ARL6IP5: variants seen among roughly 807,000 people sequenced by gnomAD.
The protein encoded by ARL6IP5 is PRA1 family protein 3.
ARL6IP5 carries 6 observed loss-of-function variants against 13.0 expected under a neutral mutation model. That is an observed-to-expected ratio of 0.46 (90% CI 0.25 to 0.91). The LOEUF is 0.91. Ranked by LOEUF, ARL6IP5 falls within the 40% of genes least tolerant of loss-of-function variation. The pLI, the probability that ARL6IP5 is intolerant of heterozygous loss-of-function variation, is 0.17. For missense variants in ARL6IP5, 208 were observed against 248.8 expected (o/e 0.84, Z 1.10); for synonymous variants, 91 against 91.9 (o/e 0.99, Z 0.06).
chr3:69,098,481 G>T (rs111541108), intron 1 of ARL6IP5, among the ~76,000 whole-genome samples: 1,534 of 151,660 alleles, frequency 0.01, 33 homozygotes, highest in African/African-American at 0.035. Flanking sequence ...CTGACCTCAG[G>T]TGATCTGCCC....
rs938413797 is a variant in ARL6IP5 at position 69,103,990 on chromosome 3, G to C, written c.395-474G>C. Among the ~76,000 whole-genome samples, 5 of 152,102 alleles carry C rather than the reference G, an allele frequency of 3.3e-5. No homozygotes were observed. In the South Asian group the frequency reaches 1.0e-3, roughly 32 times the overall value. ...TCTAGAATTCTATACCCAACACTTT[G>C]GGTAAAGCCTCCGGGAGGCACTTTA... On this transcript the variant is annotated intron_variant, in intron 2 of 2. Coordinates refer to ENST00000273258, the MANE Select transcript of ARL6IP5 (RefSeq NM_006407.4).
intron 1 of ARL6IP5, among the ~76,000 whole-genome samples, chr3:69,086,402 G>A (rs2092247518): frequency 6.6e-6 from 1 of 152,248 alleles, no homozygotes; most frequent in South Asian, 2.1e-4. Flanking sequence ...GCACAGAGGA[G>A]AGGGGGAGAC....
chr3:69,102,323 T>A lies in ARL6IP5; in HGVS notation c.394+267T>A, dbSNP rs1222097195. 5 of 474,184 alleles carry A rather than the reference T, an allele frequency of 1.1e-5. No homozygotes were observed. The East Asian group carries it at 2.1e-4, about 20-fold the overall frequency. The allele number at this position is 474,184 out of a possible 1,614,324, so 29.4% of individuals were successfully genotyped here. A position where few individuals can be genotyped will look rare whatever the true frequency, so the allele number is the denominator to read the frequency against. ...TGTGTCATACATTCTTTTGTTGTTGTTGAGATGGGGTCTACTCTGTCACCC... is the reference window on the plus strand; with the variant it reads ...TGTGTCATACATTCTTTTGTTGTTGATGAGATGGGGTCTACTCTGTCACCC... On this transcript the variant is annotated intron_variant, in intron 2 of 2. Coordinates refer to ENST00000273258, the MANE Select transcript of ARL6IP5 (RefSeq NM_006407.4).
At chr3:69,091,293 A>G (rs530152719) in intron 1 of ARL6IP5, among the ~76,000 whole-genome samples, 380 of 152,234 alleles carry the variant, frequency 2.5e-3, no homozygotes, top group African/African-American at 8.5e-3. Context: ...GTGTATATAC[A>G]TACATATATA....
At chr3:69,095,777 G>A (rs2092285079) in intron 1 of ARL6IP5, among the ~76,000 whole-genome samples, 1 of 152,164 alleles carries the variant, frequency 6.6e-6, no homozygotes, top group Non-Finnish European at 1.5e-5. Context: ...TTACAGTTAT[G>A]ATCCACCGCA....
At position 69,084,978 on chromosome 3, in the gene ARL6IP5, C is replaced by G. The variant is rs1439289687; in HGVS notation, c.-70C>G. ...CGGAGCCGCTGTCAACTCTCCAACT[C>G]AGCTCAGCTGATCGGTTGCCGCCGC... On this transcript the variant is annotated 5_prime_UTR_variant, in exon 1 of 3. Transcript: ENST00000273258. The G allele has an allele frequency of 6.4e-7, 1 of 1,569,692 alleles. No homozygotes were observed. Among genetic ancestry groups the G allele is most frequent in the Non-Finnish European group, 8.6e-7 (1 of 1,157,978 alleles).
intron 2 of ARL6IP5, among the ~76,000 whole-genome samples, chr3:69,103,476 T>G (rs986236842): frequency 6.6e-6 from 1 of 152,042 alleles, no homozygotes; most frequent in Non-Finnish European, 1.5e-5. Flanking sequence ...AATATACATT[T>G]CCCAGCCACA....
chr3:69,103,666 T>C (rs78884201), intron 2 of ARL6IP5, among the ~76,000 whole-genome samples: 2,141 of 152,280 alleles, frequency 0.014, 49 homozygotes, highest in African/African-American at 0.049. Context: ...ATTAAAATAA[T>C]GAATTCTGGA....
At chr3:69,097,553 C>G (rs1249895069) in intron 1 of ARL6IP5, among the ~76,000 whole-genome samples, 1 of 152,152 alleles carries the variant, frequency 6.6e-6, no homozygotes. Flanking sequence ...ACTCTCCACT[C>G]TCTACAACCT....
At chr3:69,100,291 A>G (rs770732051) in intron 1 of ARL6IP5, among the ~76,000 whole-genome samples, 1 of 152,224 alleles carries the variant, frequency 6.6e-6, no homozygotes, top group Non-Finnish European at 1.5e-5. Context: ...ATTACATACT[A>G]AACATTTGGC....
At chr3:69,096,337 C>T (rs2092287007) in intron 1 of ARL6IP5, among the ~76,000 whole-genome samples, 1 of 152,068 alleles carries the variant, frequency 6.6e-6, no homozygotes, top group Non-Finnish European at 1.5e-5. Flanking sequence ...TGTTCCTTGT[C>T]CTGGACTTTA....
intron 1 of ARL6IP5, among the ~76,000 whole-genome samples, chr3:69,093,482 C>T (rs2092276105): frequency 6.6e-6 from 1 of 152,072 alleles, no homozygotes; most frequent in African/African-American, 2.4e-5. Context: ...TGTCCAAAGC[C>T]CACATTTATG....
Position 69,101,830 on chromosome 3 carries a change from A to C in ARL6IP5, c.177-9A>C. 1 of 1,608,782 alleles carries C rather than the reference A, an allele frequency of 6.2e-7. No individual in the cohort carries two copies. Among genetic ancestry groups the C allele is most frequent in the Non-Finnish European group, 8.5e-7 (1 of 1,176,906 alleles). ...AGTCACCCCTCATTTTTTCTTCCTC[A>C]TATTTCAGGTTTCTGAGTCCCTTCA... On this transcript the variant is annotated splice_polypyrimidine_tract_variant and intron_variant, in intron 1 of 2. Transcript: ENST00000273258.
chr3:69,094,972 CCCACTAATAG>C (rs2107512663), intron 1 of ARL6IP5, among the ~76,000 whole-genome samples: 2 of 152,176 alleles, frequency 1.3e-5, no homozygotes, highest in South Asian at 4.1e-4. Flanking sequence ...TGTATCCACA[CCCACTAATAG>C]CCACCTTGTT....
intron 1 of ARL6IP5, among the ~76,000 whole-genome samples, chr3:69,101,127 T>A (rs1176777148): frequency 6.6e-6 from 1 of 152,098 alleles, no homozygotes; most frequent in Non-Finnish European, 1.5e-5. Context: ...TCTACATTCG[T>A]CCATCATGAG....
At chr3:69,085,333 C>T (rs1233017421) in intron 1 of ARL6IP5, 110 bp downstream of exon 1, 26 of 1,363,682 alleles carry the variant, frequency 1.9e-5, no homozygotes, top group Non-Finnish European at 2.6e-5. Flanking sequence ...TCAGCGCCTG[C>T]CCTGGCAATT....
chr3:69,097,389 G>A (rs1404807790), intron 1 of ARL6IP5, among the ~76,000 whole-genome samples: 2 of 151,224 alleles, frequency 1.3e-5, no homozygotes, highest in African/African-American at 4.9e-5. Flanking sequence ...GCCTAGGATG[G>A]CCTCAAACTC....
At chr3:69,092,712 G>T (rs1429605747) in intron 1 of ARL6IP5, among the ~76,000 whole-genome samples, 2 of 151,848 alleles carry the variant, frequency 1.3e-5, no homozygotes, top group African/African-American at 4.8e-5. Context: ...TAGAGACGGG[G>T]TTTCACCATG....
intron 1 of ARL6IP5, among the ~76,000 whole-genome samples, chr3:69,092,413 C>T (rs982548993): frequency 1.3e-5 from 2 of 152,138 alleles, no homozygotes; most frequent in African/African-American, 4.8e-5. Context: ...TTTGTCCAGC[C>T]CCTGTCTTCT....
Sources: gnomAD v4.1 joint callset for allele counts (sites outside exome capture counted in the v4.1 genomes callset) on GRCh38, gnomAD v4.1.1 for gene constraint, MANE v1.5 for transcripts, NCBI Gene and HGNC (gene_info 2026-07-23, HGNC 2026-07-21) for gene names.